SNX19: variants seen among roughly 807,000 people sequenced by gnomAD.
SNX19 encodes sorting nexin 19.
SNX19 carries 60 observed loss-of-function variants against 85.2 expected under a neutral mutation model. The ratio of observed to expected loss-of-function variants is 0.70; its 90% confidence interval spans 0.57 to 0.87. SNX19 has a LOEUF of 0.87. SNX19 is among the 40% of genes least tolerant of loss of function. The pLI is 0.00. For missense variants in SNX19, 1,201 were observed against 1,217.8 expected (o/e 0.99, Z 0.21); for synonymous variants, 520 against 470.0 (o/e 1.11, Z -1.38).
intron 8 of SNX19, chr11:130,901,974 T>G (rs1592339047): frequency 6.6e-6 from 1 of 152,138 alleles, no homozygotes; most frequent in African/African-American, 2.4e-5. Context: ...GAATACTGAG[T>G]AGGAACAAGG....
At chr11:130,884,733 G>A (rs1247898596) in intron 8 of SNX19, among the ~76,000 whole-genome samples, 5 of 151,824 alleles carry the variant, frequency 3.3e-5, no homozygotes, top group African/African-American at 4.8e-5. Flanking sequence ...AGCTGGGCAC[G>A]GTGGCGCACG....
chr11:130,872,622 C>G lies in SNX19; in HGVS notation c.*5800G>C, dbSNP rs1207245095. Among the ~76,000 whole-genome samples the G allele has an allele frequency of 6.6e-6, 1 of 152,094 alleles. No homozygotes were observed. ...TGGCAATATGCTAGCTGAAATTCACCCTTCGATGGTTTCATTTTCTTGTCT... is the reference window on the plus strand; with the variant it reads ...TGGCAATATGCTAGCTGAAATTCACGCTTCGATGGTTTCATTTTCTTGTCT... On this transcript the variant is annotated 3_prime_UTR_variant, in exon 11 of 11. Transcript: ENST00000265909.
rs1442158457 is a variant in SNX19 at position 130,873,865 on chromosome 11, C to T, written c.*4557G>A. 6.6e-6 allele frequency among the ~76,000 whole-genome samples: 1 copy of T among 152,142 alleles called. No homozygotes were observed. Among genetic ancestry groups the T allele is most frequent in the Non-Finnish European group, 1.5e-5 (1 of 68,030 alleles). On this transcript the variant is annotated 3_prime_UTR_variant, in exon 11 of 11. Coordinates refer to ENST00000265909, the MANE Select transcript of SNX19 (RefSeq NM_014758.3). ...ATCAATACCCATTCTCTGCTTCTTC[C>T]TTGCTAACATCAATTATTTCTGTAG...
chr11:130,892,455 T>C, intron 8 of SNX19, among the ~76,000 whole-genome samples: 1 of 152,166 alleles, frequency 6.6e-6, no homozygotes, highest in East Asian at 1.9e-4. Context: ...CTAAAAGTGC[T>C]TGTGTGTTTG....
Position 130,872,798 on chromosome 11 carries a change from T to C in SNX19, c.*5624A>G, listed in dbSNP as rs1943079720. 6.6e-6 allele frequency among the ~76,000 whole-genome samples: 1 copy of C among 152,290 alleles called. No individual in the cohort carries two copies. Among genetic ancestry groups the C allele is most frequent in the South Asian group, 2.1e-4 (1 of 4,816 alleles). On this transcript the variant is annotated 3_prime_UTR_variant, in exon 11 of 11. Coordinates refer to ENST00000265909, the MANE Select transcript of SNX19 (RefSeq NM_014758.3). Reference sequence around the variant, plus strand: ...CCCTTCCTCCCCAGTTACCATTCTTTCCCTGGTTCCCATCCCCTTCCACAT... The same window carrying C: ...CCCTTCCTCCCCAGTTACCATTCTTCCCCTGGTTCCCATCCCCTTCCACAT...
chr11:130,894,921 C>T, intron 8 of SNX19: 9 of 985,428 alleles, frequency 9.1e-6, no homozygotes, highest in Non-Finnish European at 9.6e-6. Flanking sequence ...ACTTCATGCA[C>T]TAGGCTATGA....
rs1396122595 is a variant in SNX19 at position 130,876,061 on chromosome 11, A to G, written c.*2361T>C. 3.9e-5 allele frequency: 6 copies of G among 152,228 alleles called. No homozygotes were observed. The allele number at this position is 152,228 out of a possible 1,614,324, so 9.4% of individuals were successfully genotyped here. A position where few individuals can be genotyped will look rare whatever the true frequency, so the allele number is the denominator to read the frequency against. On this transcript the variant is annotated 3_prime_UTR_variant, in exon 11 of 11. Coordinates refer to ENST00000265909, the MANE Select transcript of SNX19 (RefSeq NM_014758.3). Reference sequence around the variant, plus strand: ...AGCATCCCTGCCTCGTCTTTTTTATAGATAGTAAGAAAAGGGAAAGTAGTC... The same window carrying G: ...AGCATCCCTGCCTCGTCTTTTTTATGGATAGTAAGAAAAGGGAAAGTAGTC...
In SNX19 at chr11:130,914,406, T is replaced by G; in HGVS notation, c.1534A>C (p.Ser512Arg). 1 of 1,613,874 alleles carries G rather than the reference T, an allele frequency of 6.2e-7. No individual in the cohort carries two copies. The highest frequency in any genetic ancestry group is 8.5e-7 in the Non-Finnish European group (1 of 1,179,856). ...GGCTCAAAGCTGAAGGTGGCTGAGC[T>G]GAGAGGACCAGGTGGAGAGGAGGAA... ...LLSSSPPGPLSSATFSFEPLS... is the reference protein window; with the variant it reads ...LLSSSPPGPLRSATFSFEPLS... The change falls in exon 1 of 11, where the codon AGC (serine) becomes CGC (arginine). Residue 512 changes from serine to arginine, a missense_variant. Physicochemically the swap from Ser to Arg is moderately radical, Grantham distance 110 (BLOSUM62 -1). Around this residue, in one of 3 missense-constraint regions of SNX19, gnomAD observed 791 missense variants for 750.9 expected, o/e 1.05. Coordinates refer to ENST00000265909, the MANE Select transcript of SNX19 (RefSeq NM_014758.3).
In SNX19 at chr11:130,905,968, T is replaced by C. The variant is rs1271462943; in HGVS notation, c.2428A>G (p.Ser810Gly). Residue 810 changes from serine to glycine, a missense_variant, in exon 7 of 11, where the codon AGC becomes GGC. Ser to Gly is a moderately conservative substitution (Grantham distance 56, BLOSUM62 0). Around this residue, in one of 3 missense-constraint regions of SNX19, gnomAD observed 285 missense variants for 295.3 expected, o/e 0.97. Coordinates refer to ENST00000265909, the MANE Select transcript of SNX19 (RefSeq NM_014758.3). ...CGCCACTCACCTGGATCGCTGTTGC[T>C]GGGGTCTTGGGCTGGCACGGCTGCA... is the stretch of plus-strand genomic sequence containing the variant. The part of the protein sequence containing the change: ...SDAAVPAQDP[S>G]NSDPGTETEL... 9 of 1,614,102 alleles carry C rather than the reference T, an allele frequency of 5.6e-6. No individual in the cohort carries two copies. The highest frequency in any genetic ancestry group is 7.6e-6 in the Non-Finnish European group (9 of 1,180,044).
chr11:130,907,939 T>C lies in SNX19; in HGVS notation c.2165+14A>G. The stretch of plus-strand genomic sequence containing the variant: ...AACTGGGGAAAGGTCCCTGGGTAAC[T>C]GAGGGCTTCTCACTTGCTAGCCTTC... On this transcript the variant is annotated intron_variant, in intron 5 of 10. Coordinates refer to ENST00000265909, the MANE Select transcript of SNX19 (RefSeq NM_014758.3). 1 of 1,613,010 alleles carries C rather than the reference T, an allele frequency of 6.2e-7. No individual in the cohort carries two copies. Among genetic ancestry groups the C allele is most frequent in the Non-Finnish European group, 8.5e-7 (1 of 1,179,810 alleles).
At position 130,903,172 on chromosome 11, in the gene SNX19, G is replaced by T. The variant is rs114643224; in HGVS notation, c.2573+83C>A. 2.6e-3 allele frequency: 4,075 copies of T among 1,571,552 alleles called. 89 individuals are homozygous for T. The African/African-American group carries it at 0.046, about 18-fold the overall frequency. On this transcript the variant is annotated intron_variant, in intron 8 of 10. Coordinates refer to ENST00000265909, the MANE Select transcript of SNX19 (RefSeq NM_014758.3). ...GAATCTATCTTCTCTTACGGCTGCA[G>T]ATTCCCTGGACACTATTCAGCATCA...
At chr11:130,896,193 A>C (rs1224185135) in intron 8 of SNX19, among the ~76,000 whole-genome samples, 3 of 152,240 alleles carry the variant, frequency 2.0e-5, no homozygotes, top group Non-Finnish European at 4.4e-5. Context: ...AAAGCTGTGC[A>C]TAGGAAGAGA....
Position 130,916,124 on chromosome 11 carries a change from C to G in SNX19, c.-185G>C. 2 of 603,590 alleles carry G rather than the reference C, an allele frequency of 3.3e-6. No homozygotes were observed. The highest frequency in any genetic ancestry group is 5.9e-6 in the Non-Finnish European group (2 of 341,784). 37.4% of individuals were successfully genotyped at this position (603,590 alleles called of 1,614,324 possible). A position where few individuals can be genotyped will look rare whatever the true frequency, so the allele number is the denominator to read the frequency against. On this transcript the variant is annotated 5_prime_UTR_variant, in exon 1 of 11. Coordinates refer to ENST00000265909, the MANE Select transcript of SNX19 (RefSeq NM_014758.3). ...GCGACAGCTGCAGCTCCGCGTCTCC[C>G]CATGGCTACCACTAACAGAGCCCTC...
rs746144548 is a variant in SNX19 at position 130,871,590 on chromosome 11, C to G, written c.*6832G>C. Among the ~76,000 whole-genome samples the G allele has an allele frequency of 6.6e-6, 1 of 152,162 alleles. No individual in the cohort carries two copies. Among genetic ancestry groups the G allele is most frequent in the African/African-American group, 2.4e-5 (1 of 41,432 alleles). Reference sequence around the variant, plus strand: ...TCACCCAGGGGCACGGGCAAAAGGGCTGATTACCTATGCTCACAAGTCACC... The same window carrying G: ...TCACCCAGGGGCACGGGCAAAAGGGGTGATTACCTATGCTCACAAGTCACC... On this transcript the variant is annotated 3_prime_UTR_variant, in exon 11 of 11. Coordinates refer to ENST00000265909, the MANE Select transcript of SNX19 (RefSeq NM_014758.3).
At position 130,915,114 on chromosome 11, in the gene SNX19, G is replaced by C. The variant is rs762649434; in HGVS notation, c.826C>G (p.Pro276Ala). 1 of 1,613,868 alleles carries C rather than the reference G, an allele frequency of 6.2e-7. No individual in the cohort carries two copies. Among genetic ancestry groups the C allele is most frequent in the South Asian group, 1.1e-5 (1 of 91,088 alleles). Residue 276 changes from proline to alanine, a missense_variant, in exon 1 of 11, where the codon CCC becomes GCC. Transcript: ENST00000265909. The stretch of plus-strand genomic sequence containing the variant: ...TGTTCGGGGGCACTGGCTGGGCAGG[G>C]TGCTGGATCTCTGGCCTTGGAAAAG... ...GIFSKARDPA[P>A]CPASAPEQPS...
intron 2 of SNX19, 168 bp downstream of exon 2, chr11:130,911,465 G>A: frequency 6.9e-7 from 1 of 1,441,816 alleles, no homozygotes; most frequent in South Asian, 1.5e-5. Flanking sequence ...GAAAGAATGT[G>A]ATTGCTGCTG....
At position 130,906,709 on chromosome 11, in the gene SNX19, C is replaced by A; in HGVS notation, c.2178G>T (p.Arg726Ser). The change falls in exon 6 of 11, where the codon AGG becomes AGT. Residue 726 changes from arginine (R) to serine (S), a missense_variant. Coordinates refer to ENST00000265909, the MANE Select transcript of SNX19 (RefSeq NM_014758.3). ...EGKKASKSRLRFSSSKISPAL... is the reference protein window; with the variant it reads ...EGKKASKSRLSFSSSKISPAL... ...CTGGAGAAATTTTACTGGATGAGAA[C>A]CTCAGCCTAGACCTGGTACAGAAAC... 6.2e-7 allele frequency: 1 copy of A among 1,610,154 alleles called. No homozygotes were observed. The highest frequency in any genetic ancestry group is 1.1e-5 in the South Asian group (1 of 90,984).
intron 8 of SNX19, among the ~76,000 whole-genome samples, chr11:130,902,531 A>G (rs1945329267): frequency 6.6e-6 from 1 of 152,306 alleles, no homozygotes; most frequent in Middle Eastern, 3.4e-3. Context: ...GTCTCATAAG[A>G]GGGAGTTCAA....
Position 130,903,262 on chromosome 11 carries a change from C to A in SNX19, c.2566G>T (p.Val856Phe), listed in dbSNP as rs138056272. Residue 856 changes from valine (V) to phenylalanine (F), a missense_variant, in exon 8 of 11, where the codon GTT becomes TTT. This residue lies in a region of SNX19 where 285 missense variants were observed against 295.3 expected (regional missense o/e 0.97). Coordinates refer to ENST00000265909, the MANE Select transcript of SNX19 (RefSeq NM_014758.3). ...KFLRLIFGTL[V>F]QRWLEVQVAN... Reference sequence around the variant, plus strand: ...AGAATTCAGCAGTCTTACCTTTGAACTAGGGTCCCAAAGATAAGACGAAGA... The same window carrying A: ...AGAATTCAGCAGTCTTACCTTTGAAATAGGGTCCCAAAGATAAGACGAAGA... 1 of 1,613,700 alleles carries A rather than the reference C, an allele frequency of 6.2e-7. No individual in the cohort carries two copies. The highest frequency in any genetic ancestry group is 1.7e-5 in the Admixed American group (1 of 60,000).
Sources: gnomAD v4.1 joint callset for allele counts (sites outside exome capture counted in the v4.1 genomes callset) on GRCh38, gnomAD v4.1.1 for gene constraint, gnomAD v4.1.1 regional missense constraint, MANE v1.5 for transcripts, NCBI Gene and HGNC (gene_info 2026-07-23, HGNC 2026-07-21) for gene names.